ARPP19: variants seen among roughly 807,000 people sequenced by gnomAD.
ARPP19 encodes the protein cAMP regulated phosphoprotein 19, also known as cAMP-regulated phosphoprotein 19.
In ARPP19, 8 loss-of-function variants were observed where a neutral mutation model predicts 12.0. The ratio of observed to expected loss-of-function variants is 0.67; its 90% confidence interval spans 0.39 to 1.21. ARPP19 has a LOEUF of 1.21. Ranked by LOEUF, ARPP19 falls within the 50% of genes most tolerant of loss-of-function variation. ARPP19 has a pLI of 0.01. For synonymous variants in ARPP19, 47 were observed against 50.4 expected (o/e 0.93, Z 0.29); for missense variants, 102 against 136.3 (o/e 0.75, Z 1.25).
chr15:52,560,384 A>C (rs745671375), intron 1 of ARPP19, among the ~76,000 whole-genome samples: 2 of 152,220 alleles, frequency 1.3e-5, no homozygotes, highest in Non-Finnish European at 2.9e-5. Context: ...GTAAAACAGC[A>C]TCTATGAGCT....
chr15:52,561,780 G>GAA (rs55692281), intron 1 of ARPP19, among the ~76,000 whole-genome samples: 62 of 141,122 alleles, frequency 4.4e-4, no homozygotes, highest in African/African-American at 5.2e-4. Flanking sequence ...CTGGATTAAG[G>GAA]AAAAAAAAAA....
intron 1 of ARPP19, 90 bp downstream of exon 1, chr15:52,568,758 T>G: frequency 1.1e-6 from 1 of 897,126 alleles, no homozygotes; most frequent in South Asian, 1.9e-5. Context: ...CGGCCCCGCA[T>G]CTCGGGCGCG....
intron 2 of ARPP19, among the ~76,000 whole-genome samples, chr15:52,552,704 A>G (rs1022650471): frequency 1.3e-5 from 2 of 152,122 alleles, no homozygotes; most frequent in African/African-American, 4.8e-5. Context: ...TCCCAGACTC[A>G]GTGAAATAAA....
At chr15:52,556,213 G>A (rs1054864282) in intron 2 of ARPP19, among the ~76,000 whole-genome samples, 8 of 152,090 alleles carry the variant, frequency 5.3e-5, no homozygotes, top group Admixed American at 3.3e-4. Flanking sequence ...GCAAGGAGCC[G>A]ATATCAGTAT....
At chr15:52,562,457 G>A (rs4774633) in intron 1 of ARPP19, among the ~76,000 whole-genome samples, 15,101 of 151,904 alleles carry the variant, frequency 0.099, 839 homozygotes, top group Middle Eastern at 0.16. Context: ...AAAAAAATAG[G>A]AGTTCTAGAC....
At chr15:52,554,932 CATA>C (rs2077967830) in intron 2 of ARPP19, among the ~76,000 whole-genome samples, 1 of 151,948 alleles carries the variant, frequency 6.6e-6, no homozygotes, top group Admixed American at 6.6e-5. Context: ...TTATAATAAT[CATA>C]ATATCTAATC....
Position 52,551,931 on chromosome 15 carries a change from TAATC to T in ARPP19, c.338_*2del, listed in dbSNP as rs764946186. 6 of 1,609,998 alleles carry T rather than the reference TAATC, an allele frequency of 3.7e-6. No individual in the cohort carries two copies. The Admixed American group carries it at 5.0e-5, about 13-fold the overall frequency. Reference sequence around the variant, plus strand: ...AGCAGATTCATGCAGTTCAGCCTCTTAATCAGCCAGCCAGCTTGCTAGCAACAAG... The same window carrying T: ...AGCAGATTCATGCAGTTCAGCCTCTTAGCCAGCCAGCTTGCTAGCAACAAG... On this transcript the variant is annotated stop_retained_variant and 3_prime_UTR_variant, in exon 3 of 3. Coordinates refer to ENST00000249822, the MANE Select transcript of ARPP19 (RefSeq NM_006628.6).
At chr15:52,565,038 CTTTTTT>C (rs543075410) in intron 1 of ARPP19, among the ~76,000 whole-genome samples, 1 of 137,196 alleles carries the variant, frequency 7.3e-6, no homozygotes, top group Non-Finnish European at 1.6e-5. Flanking sequence ...AAATTACCAT[CTTTTTT>C]TTTTTTTTTT....
chr15:52,553,343 C>CT (rs577654887), intron 2 of ARPP19, among the ~76,000 whole-genome samples: 64 of 151,070 alleles, frequency 4.2e-4, no homozygotes, highest in East Asian at 9.7e-4. Context: ...ATGACTACTG[C>CT]TTTTTTTTTA....
chr15:52,562,121 T>C (rs921745587), intron 1 of ARPP19, among the ~76,000 whole-genome samples: 5 of 151,990 alleles, frequency 3.3e-5, no homozygotes, highest in Admixed American at 3.3e-4. Context: ...GACAGAACTA[T>C]AGGGAGCAAC....
intron 1 of ARPP19, among the ~76,000 whole-genome samples, chr15:52,560,879 T>A (rs761117248): frequency 3.3e-5 from 5 of 152,172 alleles, no homozygotes; most frequent in Non-Finnish European, 5.9e-5. Flanking sequence ...GGGGCTCTAG[T>A]AGCAGCTACA....
At chr15:52,558,482 A>AAGAAAG (rs1555393233) in intron 1 of ARPP19, among the ~76,000 whole-genome samples, 1 of 149,086 alleles carries the variant, frequency 6.7e-6, no homozygotes, top group African/African-American at 2.5e-5. Context: ...AAAAAAAAAA[A>AAGAAAG]AAAGAAAGAA....
intron 1 of ARPP19, among the ~76,000 whole-genome samples, chr15:52,561,130 T>G (rs1330322877): frequency 6.6e-6 from 1 of 152,262 alleles, no homozygotes; most frequent in East Asian, 1.9e-4. Context: ...ATAAGCGATT[T>G]ATCCACAGTC....
At chr15:52,562,725 C>A (rs1226557755) in intron 1 of ARPP19, among the ~76,000 whole-genome samples, 1 of 151,950 alleles carries the variant, frequency 6.6e-6, no homozygotes, top group East Asian at 1.9e-4. Flanking sequence ...AAAGCTAAAT[C>A]TCAATGAGCG....
intron 1 of ARPP19, among the ~76,000 whole-genome samples, chr15:52,559,989 T>G (rs539381041): frequency 1.3e-5 from 2 of 152,310 alleles, no homozygotes; most frequent in African/African-American, 4.8e-5. Flanking sequence ...AAGTGAGAGC[T>G]CTCCACTTCT....
chr15:52,562,114 AG>A (rs1468181872), intron 1 of ARPP19, among the ~76,000 whole-genome samples: 1 of 152,126 alleles, frequency 6.6e-6, no homozygotes, highest in Non-Finnish European at 1.5e-5. Flanking sequence ...AAAAACTGAC[AG>A]AACTATAGGG....
In ARPP19 at chr15:52,548,943, C is replaced by T. The variant is rs1381520256; in HGVS notation, c.*2991G>A. 1 of 152,618 alleles carries T rather than the reference C, an allele frequency of 6.6e-6. No homozygotes were observed. The highest frequency in any genetic ancestry group is 1.5e-5 in the Non-Finnish European group (1 of 68,034). The allele number at this position is 152,618 out of a possible 1,614,324, so 9.5% of individuals were successfully genotyped here. A position where few individuals can be genotyped will look rare whatever the true frequency, so the allele number is the denominator to read the frequency against. On this transcript the variant is annotated 3_prime_UTR_variant, in exon 3 of 3. Transcript: ENST00000249822. The stretch of plus-strand genomic sequence containing the variant: ...GGCTTTCCTTGATGAATAGTTAAGA[C>T]ATATTTTTAGGTCATCAGCACAAGA...
intron 2 of ARPP19, 117 bp downstream of exon 2, chr15:52,556,983 A>G: frequency 1.9e-6 from 2 of 1,057,202 alleles, no homozygotes; most frequent in Non-Finnish European, 2.7e-6. Context: ...ATACATATAC[A>G]CATATGTACA....
At position 52,551,880 on chromosome 15, in the gene ARPP19, C is replaced by A; in HGVS notation, c.*54G>T. Reference sequence around the variant, plus strand: ...AAGGAAATAAAAAGTAGATAAGTAACATATTAAGGAGAAATAATGAGATTT... The same window carrying A: ...AAGGAAATAAAAAGTAGATAAGTAAAATATTAAGGAGAAATAATGAGATTT... On this transcript the variant is annotated 3_prime_UTR_variant, in exon 3 of 3. Coordinates refer to ENST00000249822, the MANE Select transcript of ARPP19 (RefSeq NM_006628.6). The A allele has an allele frequency of 7.6e-7, 1 of 1,318,548 alleles. No individual in the cohort carries two copies. Among genetic ancestry groups the A allele is most frequent in the Non-Finnish European group, 1.1e-6 (1 of 933,316 alleles). The allele number at this position is 1,318,548 out of a possible 1,614,324, so 81.7% of individuals were successfully genotyped here.
Sources: allele counts gnomAD v4.1 joint callset (sites outside exome capture counted in the v4.1 genomes callset), GRCh38; gene constraint gnomAD v4.1.1; transcripts MANE v1.5; gene names NCBI Gene and HGNC (gene_info 2026-07-23, HGNC 2026-07-21).